ACTR5: variants seen among roughly 807,000 people sequenced by gnomAD.
ACTR5 encodes actin-related protein 5.
Under a neutral mutation model 61.2 loss-of-function variants are expected in ACTR5, and 43 were observed. That is an observed-to-expected ratio of 0.70 (90% CI 0.55 to 0.91). ACTR5 has a LOEUF of 0.91. ACTR5 is among the 40% of genes least tolerant of loss of function. ACTR5 has a pLI of 0.00. For synonymous variants in ACTR5, 333 were observed against 310.5 expected (o/e 1.07, Z -0.76); for missense variants, 798 against 782.2 (o/e 1.02, Z -0.24).
chr20:38,768,131 G>T (rs563129725), intron 8 of ACTR5, among the ~76,000 whole-genome samples: 1 of 152,134 alleles, frequency 6.6e-6, no homozygotes, highest in Non-Finnish European at 1.5e-5. Context: ...GTACATTCAG[G>T]GGGGCGTCTC....
intron 5 of ACTR5, among the ~76,000 whole-genome samples, chr20:38,763,834 C>T (rs2084469486): frequency 6.6e-6 from 1 of 152,150 alleles, no homozygotes; most frequent in African/African-American, 2.4e-5. Flanking sequence ...TCTTTAGATT[C>T]GTGTCACCCA....
At chr20:38,767,300 G>A (rs543526634) in intron 7 of ACTR5, among the ~76,000 whole-genome samples, 164 bp from the exon 8 acceptor site, 17 of 151,430 alleles carry the variant, frequency 1.1e-4, no homozygotes, top group Admixed American at 7.2e-4. Flanking sequence ...TTGGGCTGGC[G>A]TTTTGTAGAG....
chr20:38,760,842 C>G (rs1278084148), intron 5 of ACTR5, among the ~76,000 whole-genome samples: 1 of 151,886 alleles, frequency 6.6e-6, no homozygotes, highest in Non-Finnish European at 1.5e-5. Flanking sequence ...TAGTTTTGAG[C>G]ACCTTTTTTT....
At chr20:38,768,734 C>T (rs1016899103) in intron 8 of ACTR5, among the ~76,000 whole-genome samples, 1 of 152,080 alleles carries the variant, frequency 6.6e-6, no homozygotes, top group Non-Finnish European at 1.5e-5. Flanking sequence ...GTGGTAGGAA[C>T]CCTCCCAATA....
At position 38,752,215 on chromosome 20, in the gene ACTR5, C is replaced by T. The variant is rs1302337166; in HGVS notation, c.690C>T (p.Tyr230=). 6.2e-7 allele frequency: 1 copy of T among 1,614,138 alleles called. No individual in the cohort carries two copies. Among genetic ancestry groups the T allele is most frequent in the Non-Finnish European group, 8.5e-7 (1 of 1,179,974 alleles). The change falls in exon 3 of 9, where the codon TAC becomes TAT. Residue 230 remains tyrosine (Y), a synonymous_variant. Transcript: ENST00000243903. ...TCCAGCGTCTCCTCCAGCTGAAGTA[C>T]CCTGGGCACCTGGCAGCCATCACCC... The part of the protein sequence containing the change: ...GYLQRLLQLK[Y]PGHLAAITLS...
intron 6 of ACTR5, 110 bp from the exon 7 acceptor site, chr20:38,766,128 T>C: frequency 7.7e-7 from 1 of 1,292,720 alleles, no homozygotes. Flanking sequence ...ATACTGGCAT[T>C]AACAAGGGAC....
chr20:38,756,207 G>A (rs2084419249), intron 5 of ACTR5, among the ~76,000 whole-genome samples, 168 bp downstream of exon 5: 1 of 152,130 alleles, frequency 6.6e-6, no homozygotes, highest in African/African-American at 2.4e-5. Flanking sequence ...CTGTCAGAAG[G>A]GATTTCACCC....
intron 5 of ACTR5, among the ~76,000 whole-genome samples, chr20:38,758,362 T>C (rs912721022): frequency 1.3e-5 from 2 of 152,166 alleles, no homozygotes; most frequent in Non-Finnish European, 2.9e-5. Context: ...TGATGATCAG[T>C]TGGGCCGGGC....
chr20:38,753,235 A>G (rs754922931), intron 3 of ACTR5, among the ~76,000 whole-genome samples: 4 of 152,024 alleles, frequency 2.6e-5, no homozygotes, highest in East Asian at 1.9e-4. Flanking sequence ...TTCTTTTACA[A>G]TTCTATGATA....
intron 7 of ACTR5, 113 bp from the exon 8 acceptor site, chr20:38,767,350 TA>T: frequency 3.1e-6 from 3 of 969,072 alleles, no homozygotes; most frequent in Non-Finnish European, 2.8e-6. Context: ...TTTTTTTTTT[TA>T]GCTTTTTGTG....
chr20:38,766,501 T>TG, intron 7 of ACTR5, 124 bp downstream of exon 7: 3 of 1,250,034 alleles, frequency 2.4e-6, no homozygotes, highest in Non-Finnish European at 3.3e-6. Context: ...TTCATTGACT[T>TG]GCTGTGCTCA....
chr20:38,748,843 T>A lies in ACTR5; in HGVS notation c.365T>A (p.Val122Asp), dbSNP rs762555693. The change falls in exon 1 of 9, where the codon GTC becomes GAC. Residue 122 changes from valine (V) to aspartate (D), a missense_variant. Coordinates refer to ENST00000243903, the MANE Select transcript of ACTR5 (RefSeq NM_024855.4). ...LLDYSFQHLGVSSQGCVDHPI... is the reference protein window; with the variant it reads ...LLDYSFQHLGDSSQGCVDHPI... ...GACTACAGCTTCCAGCACCTGGGTGTCTCCTCACAGGTGAAGGGCGGAGTA... is the reference window on the plus strand; with the variant it reads ...GACTACAGCTTCCAGCACCTGGGTGACTCCTCACAGGTGAAGGGCGGAGTA... 14 of 1,606,944 alleles carry A rather than the reference T, an allele frequency of 8.7e-6. No homozygotes were observed. The East Asian group carries it at 3.2e-4, about 36-fold the overall frequency.
At chr20:38,769,583 ATAGTACGTT>A (rs1457092658) in intron 8 of ACTR5, among the ~76,000 whole-genome samples, 1 of 152,092 alleles carries the variant, frequency 6.6e-6, no homozygotes, top group Admixed American at 6.5e-5. Flanking sequence ...AAGGGAGAGG[ATAGTACGTT>A]CCATTTCCAG....
chr20:38,763,250 C>T (rs1209131753), intron 5 of ACTR5, among the ~76,000 whole-genome samples: 1 of 152,214 alleles, frequency 6.6e-6, no homozygotes, highest in East Asian at 1.9e-4. Context: ...CATTCCTCCC[C>T]TGGAACCCCT....
At chr20:38,756,777 G>A (rs182347022) in intron 5 of ACTR5, among the ~76,000 whole-genome samples, 35 of 152,316 alleles carry the variant, frequency 2.3e-4, no homozygotes, top group African/African-American at 7.7e-4. Context: ...GGTGGCACAC[G>A]CCTGTGATCC....
At chr20:38,748,922 C>A in intron 1 of ACTR5, 69 bp downstream of exon 1, 1 of 1,516,692 alleles carries the variant, frequency 6.6e-7, no homozygotes, top group South Asian at 1.3e-5. Flanking sequence ...TCCGCTCACT[C>A]TGCTCTCGGA....
intron 3 of ACTR5, among the ~76,000 whole-genome samples, chr20:38,754,591 C>T (rs1295296704): frequency 1.8e-4 from 27 of 151,728 alleles, no homozygotes; most frequent in Admixed American, 4.6e-4. Context: ...TGGTGGCAGG[C>T]GTCTGTAGTC....
intron 1 of ACTR5, among the ~76,000 whole-genome samples, chr20:38,749,661 G>C (rs1298168132): frequency 6.6e-6 from 1 of 152,220 alleles, no homozygotes; most frequent in Non-Finnish European, 1.5e-5. Flanking sequence ...AAACAGGGAC[G>C]AGTTAGGAGG....
At chr20:38,767,422 A>T in intron 7 of ACTR5, 42 bp from the exon 8 acceptor site, 1 of 1,540,636 alleles carries the variant, frequency 6.5e-7, no homozygotes, top group Non-Finnish European at 8.8e-7. Context: ...TCGTTCTGAT[A>T]TTTGAGTTAA....
Sources: allele counts gnomAD v4.1 joint callset (sites outside exome capture counted in the v4.1 genomes callset), GRCh38; gene constraint gnomAD v4.1.1; transcripts MANE v1.5; gene names NCBI Gene and HGNC (gene_info 2026-07-23, HGNC 2026-07-21).